CCDC3: variants seen among roughly 807,000 people sequenced by gnomAD.
The protein encoded by CCDC3 is coiled-coil domain-containing protein 3.
In CCDC3, 24 loss-of-function variants were observed where a neutral mutation model predicts 21.4. The ratio of observed to expected loss-of-function variants is 1.12; its 90% CI spans 0.81 to 1.58. The LOEUF (loss-of-function observed/expected upper bound fraction) is 1.58. Ranked by LOEUF, CCDC3 falls within the 40% of genes most tolerant of loss-of-function variation. CCDC3 has a pLI of 0.00. For missense variants in CCDC3, 425 were observed against 360.9 expected (o/e 1.18, Z -1.44); for synonymous variants, 186 against 166.0 (o/e 1.12, Z -0.93).
rs531989058 is a variant in CCDC3 at position 12,898,576 on chromosome 10, C to G, written c.653G>C (p.Arg218Pro). 2.4e-5 allele frequency: 38 copies of G among 1,614,238 alleles called. No individual in the cohort carries two copies. The South Asian group carries it at 3.3e-4, about 14-fold the overall frequency. Reference protein sequence around the residue: ...ATLEKRNRQLRERVKKVKRSL... With the variant: ...ATLEKRNRQLPERVKKVKRSL... ...CCTCTTGACCTTCTTCACTCGCTCC[C>G]GGAGCTGCCGGTTGCGCTTCTCCAG... is the stretch of plus-strand genomic sequence containing the variant. The change falls in exon 3 of 3, where the codon CGG becomes CCG. Residue 218 changes from arginine (R) to proline (P), a missense_variant. Physicochemically the swap from Arg to Pro is moderately radical, Grantham distance 103. Transcript: ENST00000378825.
chr10:13,083,599 G>T (rs1837068442), intron 3 of CCDC3, among the ~76,000 whole-genome samples: 1 of 152,238 alleles, frequency 6.6e-6, no homozygotes, highest in Admixed American at 6.5e-5. Context: ...AGATATCTGT[G>T]CTGGAGGTGC....
intron 2 of CCDC3, among the ~76,000 whole-genome samples, chr10:12,941,627 A>G (rs10906261): frequency 0.54 from 81,562 of 152,020 alleles, 22,066 homozygotes; most frequent in South Asian, 0.67. Flanking sequence ...GATTAAGATG[A>G]CTGCACCAGA....
intron 5 of CCDC3, among the ~76,000 whole-genome samples, chr10:13,019,022 A>C (rs1836109068): frequency 6.6e-6 from 1 of 152,042 alleles, no homozygotes; most frequent in Non-Finnish European, 1.5e-5. Context: ...TCACAAGGTC[A>C]GGAGATCGAG....
At chr10:12,914,217 TTGA>T (rs1036253880) in intron 2 of CCDC3, among the ~76,000 whole-genome samples, 4 of 152,334 alleles carry the variant, frequency 2.6e-5, no homozygotes, top group Middle Eastern at 3.4e-3. Context: ...GTGATTTTCT[TTGA>T]TGATAGACTT....
At chr10:12,904,119 G>A (rs1167006855) in intron 2 of CCDC3, among the ~76,000 whole-genome samples, 1 of 152,044 alleles carries the variant, frequency 6.6e-6, no homozygotes, top group Non-Finnish European at 1.5e-5. Flanking sequence ...GGGAGCTGGA[G>A]GAGGGAGCAT....
intron 5 of CCDC3, among the ~76,000 whole-genome samples, chr10:13,019,159 G>C (rs774759649): frequency 6.6e-6 from 1 of 152,084 alleles, no homozygotes; most frequent in South Asian, 2.1e-4. Flanking sequence ...GCATGAACCC[G>C]GGAGGCAGAG....
At chr10:12,920,717 T>C (rs1834437764) in intron 2 of CCDC3, among the ~76,000 whole-genome samples, 1 of 152,220 alleles carries the variant, frequency 6.6e-6, no homozygotes, top group African/African-American at 2.4e-5. Flanking sequence ...ATTCCACCCA[T>C]ATGGGAGGTT....
intron 4 of CCDC3, among the ~76,000 whole-genome samples, chr10:13,071,317 T>C (rs1024928740): frequency 1.1e-4 from 17 of 152,286 alleles, no homozygotes; most frequent in African/African-American, 3.6e-4. Flanking sequence ...AGACGTATTT[T>C]TGTCCCAAAT....
upstream of CCDC3, among the ~76,000 whole-genome samples, chr10:13,005,032 T>G (rs1454620152): frequency 6.6e-6 from 1 of 152,136 alleles, no homozygotes; most frequent in Non-Finnish European, 1.5e-5. Context: ...TTCTTTCAAG[T>G]CCCTAACCAT....
At chr10:12,978,973 C>G (rs570118270) in intron 2 of CCDC3, among the ~76,000 whole-genome samples, 1 of 152,118 alleles carries the variant, frequency 6.6e-6, no homozygotes, top group African/African-American at 2.4e-5. Context: ...CTTTTGTTCC[C>G]AAATGAGAGC....
At chr10:13,072,049 A>C (rs1329626064) in intron 4 of CCDC3, among the ~76,000 whole-genome samples, 1 of 151,890 alleles carries the variant, frequency 6.6e-6, no homozygotes, top group East Asian at 1.9e-4. Flanking sequence ...TTCATTTTTT[A>C]TTTTTTTAAC....
rs1250275635 is a variant in CCDC3, at chr10:12,896,959, A to T, written c.*1457T>A. ...AGCAGCCTGCCACCAAGACTCAAGC[A>T]ACGTAAGAGTCATCTCCCCAGACTG... is the stretch of plus-strand genomic sequence containing the variant. On this transcript the variant is annotated 3_prime_UTR_variant, in exon 3 of 3. Transcript: ENST00000378825. 1 of 152,284 alleles carries T rather than the reference A, an allele frequency of 6.6e-6. No individual in the cohort carries two copies. The highest frequency in any genetic ancestry group is 1.5e-5 in the Non-Finnish European group (1 of 68,114). 9.4% of individuals were successfully genotyped at this position (152,284 alleles called of 1,614,324 possible).
chr10:12,989,345 G>C (rs1835646253), intron 2 of CCDC3, among the ~76,000 whole-genome samples: 1 of 152,210 alleles, frequency 6.6e-6, no homozygotes, highest in Non-Finnish European at 1.5e-5. Flanking sequence ...ACTTAGTCCA[G>C]AGCAGCAGTT....
chr10:12,900,293 C>T (rs537295090), intron 2 of CCDC3, among the ~76,000 whole-genome samples: 2 of 152,140 alleles, frequency 1.3e-5, no homozygotes, highest in Non-Finnish European at 2.9e-5. Context: ...AGGTATTCTC[C>T]AATCTTTCTC....
chr10:13,075,306 G>A (rs890457926), intron 3 of CCDC3, among the ~76,000 whole-genome samples: 14 of 152,204 alleles, frequency 9.2e-5, no homozygotes, highest in African/African-American at 3.4e-4. Flanking sequence ...CCTGCATAGT[G>A]ACTGGCACAT....
intron 2 of CCDC3, among the ~76,000 whole-genome samples, chr10:12,987,349 C>A (rs368048078): frequency 3.3e-5 from 5 of 152,316 alleles, no homozygotes; most frequent in African/African-American, 1.2e-4. Flanking sequence ...GAATAAACGC[C>A]CATCTGCCTG....
At chr10:13,063,598 C>T (rs17152790) in intron 4 of CCDC3, among the ~76,000 whole-genome samples, 1 of 152,144 alleles carries the variant, frequency 6.6e-6, no homozygotes, top group Non-Finnish European at 1.5e-5. Flanking sequence ...TTCAAAGCCA[C>T]GTAAATAGTA....
intron 3 of CCDC3, among the ~76,000 whole-genome samples, chr10:13,078,866 G>C (rs192390618): frequency 1.3e-5 from 2 of 151,888 alleles, no homozygotes; most frequent in African/African-American, 2.4e-5. Context: ...GTCGTGGGGT[G>C]GGGGGAGGTG....
At chr10:13,025,187 G>A (rs1005629270) in intron 5 of CCDC3, among the ~76,000 whole-genome samples, 42 of 152,204 alleles carry the variant, frequency 2.8e-4, no homozygotes, top group African/African-American at 9.6e-4. Flanking sequence ...TTATATGGCT[G>A]TAAATTGGTA....
Sources: gnomAD v4.1 joint callset for allele counts (sites outside exome capture counted in the v4.1 genomes callset) on GRCh38, gnomAD v4.1.1 for gene constraint, MANE v1.5 for transcripts, NCBI Gene and HGNC (gene_info 2026-07-23, HGNC 2026-07-21) for gene names.